The following ARHGAP28 variants were observed in gnomAD, a reference collection of about 807,000 sequenced individuals.
The protein encoded by ARHGAP28 is Rho GTPase activating protein 28, also known as rho GTPase-activating protein 28.
In ARHGAP28, 56 loss-of-function variants were observed where a neutral mutation model predicts 90.7. That is an observed-to-expected ratio of 0.62 (90% CI 0.50 to 0.77). The LOEUF (loss-of-function observed/expected upper bound fraction) is 0.77, where lower values mean the gene tolerates loss of function less well. Ranked by LOEUF, ARHGAP28 falls within the 30% of genes least tolerant of loss-of-function variation. The pLI, the probability that ARHGAP28 is intolerant of heterozygous loss-of-function variation, is 0.00. For synonymous variants in ARHGAP28, 308 were observed against 323.3 expected, an observed-to-expected ratio of 0.95 and a Z score of 0.51; for missense variants, 869 against 900.9, an observed-to-expected ratio of 0.96 and a Z score of 0.45.
At chr18:6,805,314 A>C (rs918722021) in intron 1 of ARHGAP28, among the ~76,000 whole-genome samples, 1 of 152,152 alleles carries the variant, frequency 6.6e-6, no homozygotes, top group Non-Finnish European at 1.5e-5. Flanking sequence ...AATCTCCAGA[A>C]GTCTTTTTGC....
At chr18:6,756,534 T>G (rs970182487) in intron 1 of ARHGAP28, among the ~76,000 whole-genome samples, 12 of 152,236 alleles carry the variant, frequency 7.9e-5, no homozygotes, top group Non-Finnish European at 1.5e-4. Flanking sequence ...AGGATTCATT[T>G]ACATTGAAAA....
At chr18:6,894,786 C>A in intron 14 of ARHGAP28, 49 bp from the exon 15 acceptor site, 1 of 1,539,876 alleles carries the variant, frequency 6.5e-7, no homozygotes, top group Non-Finnish European at 9.0e-7. Flanking sequence ...CCAAAAGCAA[C>A]ATATGCTTGT....
chr18:6,903,298 AC>A (rs1390242349), intron 16 of ARHGAP28, among the ~76,000 whole-genome samples: 1 of 152,218 alleles, frequency 6.6e-6, no homozygotes, highest in Non-Finnish European at 1.5e-5. Context: ...CTAATGTGAT[AC>A]ATTTCGTTAT....
At chr18:6,763,567 C>G (rs781186641) in intron 1 of ARHGAP28, among the ~76,000 whole-genome samples, 13 of 152,202 alleles carry the variant, frequency 8.5e-5, no homozygotes, top group Non-Finnish European at 1.2e-4. Context: ...AGCAGTCATC[C>G]TACTTTACTG....
intron 16 of ARHGAP28, among the ~76,000 whole-genome samples, chr18:6,908,415 A>G (rs2057376232): frequency 6.6e-6 from 1 of 152,202 alleles, no homozygotes; most frequent in Non-Finnish European, 1.5e-5. Context: ...CTAGAATTAC[A>G]GGCATGAGCC....
At chr18:6,871,273 T>C (rs1221956969) in intron 7 of ARHGAP28, among the ~76,000 whole-genome samples, 2 of 152,204 alleles carry the variant, frequency 1.3e-5, no homozygotes, top group East Asian at 1.9e-4. Flanking sequence ...GCTTGAATAC[T>C]GTTTTACAAA....
intron 16 of ARHGAP28, chr18:6,898,414 C>A (rs2057319483): frequency 1.6e-6 from 2 of 1,238,016 alleles, no homozygotes; most frequent in Non-Finnish European, 2.4e-6. Context: ...CACACATTAA[C>A]CCGTTTTCCA....
intron 16 of ARHGAP28, chr18:6,898,604 C>T (rs1459707462): frequency 7.5e-6 from 12 of 1,592,612 alleles, no homozygotes; most frequent in Non-Finnish European, 7.7e-6. Flanking sequence ...AAATATCATT[C>T]AAGGGATTTG....
chr18:6,910,566 G>T (rs1195639938), intron 17 of ARHGAP28, among the ~76,000 whole-genome samples: 2 of 152,062 alleles, frequency 1.3e-5, no homozygotes, highest in Non-Finnish European at 2.9e-5. Context: ...GTCTCTGCCA[G>T]GTCTTTGCGG....
At chr18:6,831,314 C>T (rs1383903231) in intron 2 of ARHGAP28, among the ~76,000 whole-genome samples, 1 of 151,968 alleles carries the variant, frequency 6.6e-6, no homozygotes, top group Non-Finnish European at 1.5e-5. Flanking sequence ...ATTCTTGATA[C>T]AAGTCCTTTG....
intron 1 of ARHGAP28, among the ~76,000 whole-genome samples, chr18:6,783,760 G>A (rs8099536): frequency 0.81 from 123,031 of 152,114 alleles, 51,662 homozygotes; most frequent in Non-Finnish European, 0.93. Context: ...AGGCACAAGA[G>A]GCAATCAGGG....
intron 4 of ARHGAP28, among the ~76,000 whole-genome samples, chr18:6,852,069 C>T (rs2056915070): frequency 6.6e-6 from 1 of 152,134 alleles, no homozygotes; most frequent in African/African-American, 2.4e-5. Flanking sequence ...TATGGTATAT[C>T]TCAATAATCC....
chr18:6,780,912 T>A (rs908603191), intron 1 of ARHGAP28, among the ~76,000 whole-genome samples: 1 of 149,414 alleles, frequency 6.7e-6, no homozygotes, highest in Non-Finnish European at 1.5e-5. Flanking sequence ...AAAAAAAAAA[T>A]TCAATCAGTC....
At chr18:6,863,746 T>G (rs2057015806) in intron 5 of ARHGAP28, among the ~76,000 whole-genome samples, 1 of 151,250 alleles carries the variant, frequency 6.6e-6, no homozygotes, top group Admixed American at 6.6e-5. Context: ...TTATGAAACC[T>G]CCAAAGCCTG....
intron 5 of ARHGAP28, among the ~76,000 whole-genome samples, chr18:6,861,462 G>A (rs1043383577): frequency 6.6e-6 from 1 of 152,082 alleles, no homozygotes; most frequent in South Asian, 2.1e-4. Flanking sequence ...TACAAGTCTC[G>A]CTTACAGCCT....
At chr18:6,772,939 C>T (rs1160091639) in intron 1 of ARHGAP28, among the ~76,000 whole-genome samples, 2 of 151,998 alleles carry the variant, frequency 1.3e-5, no homozygotes, top group African/African-American at 4.8e-5. Context: ...TGGGTTTTCA[C>T]CATGTTGGCC....
chr18:6,747,735 T>C (rs536257603), intron 1 of ARHGAP28, among the ~76,000 whole-genome samples: 1 of 152,292 alleles, frequency 6.6e-6, no homozygotes, highest in South Asian at 2.1e-4. Flanking sequence ...AAGTAGCTGA[T>C]TTAATAGCTA....
chr18:6,794,267 T>C (rs1432429871), intron 1 of ARHGAP28, among the ~76,000 whole-genome samples: 3 of 152,250 alleles, frequency 2.0e-5, no homozygotes, highest in Admixed American at 1.3e-4. Context: ...TCATATTCTT[T>C]TTTTCTGTCA....
At chr18:6,796,473 CT>C (rs1411999839) in intron 1 of ARHGAP28, among the ~76,000 whole-genome samples, 1 of 151,986 alleles carries the variant, frequency 6.6e-6, no homozygotes, top group East Asian at 1.9e-4. Flanking sequence ...CATCTTCATT[CT>C]GTAACAATAG....
Sources: allele counts gnomAD v4.1 joint callset (sites outside exome capture counted in the v4.1 genomes callset), GRCh38; gene constraint gnomAD v4.1.1; transcripts MANE v1.5; gene names NCBI Gene and HGNC (gene_info 2026-07-23, HGNC 2026-07-21).